Variants in CCDC191 observed in about 807,000 individuals in gnomAD.
CCDC191 encodes the protein coiled-coil domain-containing protein 191.
Under a neutral mutation model 114.0 loss-of-function variants are expected in CCDC191, and 99 were observed. The observed-to-expected ratio is 0.87, with a 90% CI of 0.74 to 1.03. CCDC191 has a LOEUF of 1.03. Among genes scored for constraint, CCDC191 ranks in the 50% least tolerant of loss-of-function variants. The pLI is 0.00. For missense variants in CCDC191, 973 were observed against 1,087.0 expected (o/e 0.90, Z 1.47); for synonymous variants, 351 against 376.0 (o/e 0.93, Z 0.77).
chr3:113,969,366 GTCTATT>G (rs1940566938), intron 16 of CCDC191, among the ~76,000 whole-genome samples: 3 of 152,140 alleles, frequency 2.0e-5, no homozygotes, highest in Non-Finnish European at 2.9e-5. Context: ...AATCCCAGTT[GTCTATT>G]TTTGCTTTGG....
At chr3:113,979,947 G>C (rs2075082360) in intron 14 of CCDC191, among the ~76,000 whole-genome samples, 2 of 152,198 alleles carry the variant, frequency 1.3e-5, no homozygotes, top group South Asian at 2.1e-4. Flanking sequence ...CTCTGCAGTA[G>C]AGTGAATTAC....
rs1439075666 is a variant in CCDC191, at chr3:114,042,733, T to C, written c.385A>G (p.Asn129Asp). Residue 129 changes from asparagine to aspartate, a missense_variant, in exon 4 of 17, where the codon AAT becomes GAT. By Grantham distance (23) the Asn-to-Asp change is conservative. Transcript: ENST00000295878. ...VSSVTIMPEANGHLKYDKFDD... is the reference protein window; with the variant it reads ...VSSVTIMPEADGHLKYDKFDD... ...AACTTGTCATATTTCAAATGGCCAT[T>C]GGCTTCCGGCATAATAGTGACACTT... is the stretch of plus-strand genomic sequence containing the variant. 1 of 1,586,676 alleles carries C rather than the reference T, an allele frequency of 6.3e-7. No individual in the cohort carries two copies. Among genetic ancestry groups the C allele is most frequent in the Non-Finnish European group, 8.5e-7 (1 of 1,170,208 alleles).
intron 3 of CCDC191, among the ~76,000 whole-genome samples, chr3:114,043,698 AAAATAAACTATAG>A (rs1330269865): frequency 6.6e-6 from 1 of 152,204 alleles, no homozygotes; most frequent in Non-Finnish European, 1.5e-5. Context: ...CCATTAAGTT[AAAATAAACTATAG>A]GGGATAAGCA....
Position 114,036,604 on chromosome 3 carries a change from C to A in CCDC191, c.594+4G>T. 6.4e-7 allele frequency: 1 copy of A among 1,570,638 alleles called. No homozygotes were observed. The highest frequency in any genetic ancestry group is 8.6e-7 in the Non-Finnish European group (1 of 1,159,554). ...TCCATTTTAATTTTGTTTTTCCCTCCCACCTGCTTATGTCTCATCTCCATG... is the reference window on the plus strand; with the variant it reads ...TCCATTTTAATTTTGTTTTTCCCTCACACCTGCTTATGTCTCATCTCCATG... On this transcript the variant is annotated splice_donor_region_variant and intron_variant, in intron 5 of 16. Coordinates refer to ENST00000295878, the MANE Select transcript of CCDC191 (RefSeq NM_020817.2).
At chr3:114,009,974 T>TA (rs984599508) in intron 9 of CCDC191, among the ~76,000 whole-genome samples, 3 of 151,122 alleles carry the variant, frequency 2.0e-5, no homozygotes, top group Non-Finnish European at 3.0e-5. Context: ...TTGCGGAACT[T>TA]AAAAAAAAAG....
At position 113,980,118 on chromosome 3, in the gene CCDC191, C is replaced by T. The variant is rs138923812; in HGVS notation, c.2307+532G>A. On this transcript the variant is annotated intron_variant, in intron 14 of 16. Coordinates refer to ENST00000295878, the MANE Select transcript of CCDC191 (RefSeq NM_020817.2). ...TGGAATGTGGACATAATACAAGCAA[C>T]GGGTTTACATAATTTGGTTTGGCCT... is the stretch of plus-strand genomic sequence containing the variant. Among the ~76,000 whole-genome samples the T allele has an allele frequency of 4.2e-3, 638 of 152,254 alleles. 12 individuals are homozygous for T. Among genetic ancestry groups the T allele is most frequent in the Non-Finnish European group, 5.9e-3 (398 of 68,030 alleles).
chr3:114,053,457 A>C (rs918783434), intron 2 of CCDC191, 140 bp downstream of exon 2: 2 of 470,402 alleles, frequency 4.3e-6, no homozygotes, highest in African/African-American at 4.0e-5. Context: ...AAAAAGTATA[A>C]AATTAAGGCA....
intron 3 of CCDC191, among the ~76,000 whole-genome samples, chr3:114,044,065 T>C (rs1254736796): frequency 6.6e-6 from 1 of 152,052 alleles, no homozygotes; most frequent in Non-Finnish European, 1.5e-5. Context: ...AAATATGGTA[T>C]TGGCTACAAT....
intron 7 of CCDC191, among the ~76,000 whole-genome samples, chr3:114,031,369 A>C (rs1278926307): frequency 2.0e-5 from 3 of 152,210 alleles, no homozygotes; most frequent in African/African-American, 7.2e-5. Flanking sequence ...TTTAGGAAGA[A>C]GTCCACAATT....
At chr3:113,966,542 G>C (rs1245026972) in intron 16 of CCDC191, among the ~76,000 whole-genome samples, 1 of 152,186 alleles carries the variant, frequency 6.6e-6, no homozygotes, top group Admixed American at 6.5e-5. Context: ...GCAAAGAAAA[G>C]GCTTTCCTAG....
intron 2 of CCDC191, among the ~76,000 whole-genome samples, chr3:114,051,543 CAT>C (rs2076698092): frequency 6.6e-6 from 1 of 152,208 alleles, no homozygotes; most frequent in Admixed American, 6.5e-5. Context: ...GCCTGGGCAA[CAT>C]AGTGAAACCC....
intron 13 of CCDC191, among the ~76,000 whole-genome samples, chr3:113,995,036 C>T (rs1205924875): frequency 1.3e-5 from 2 of 152,202 alleles, no homozygotes; most frequent in East Asian, 1.9e-4. Flanking sequence ...TAAAAAGGAC[C>T]GAGCTTTTGA....
intron 13 of CCDC191, among the ~76,000 whole-genome samples, chr3:113,982,649 G>T (rs899789350): frequency 6.6e-6 from 1 of 151,318 alleles, no homozygotes; most frequent in Non-Finnish European, 1.5e-5. Flanking sequence ...AAAAAAAAAA[G>T]TACAGGGCAA....
chr3:113,990,264 T>C (rs1013931295), intron 13 of CCDC191, among the ~76,000 whole-genome samples: 1 of 151,692 alleles, frequency 6.6e-6, no homozygotes, highest in Non-Finnish European at 1.5e-5. Context: ...AAGACATCAA[T>C]ACTGATCTCA....
chr3:114,056,232 G>T (rs547832923), intron 1 of CCDC191, 145 bp downstream of exon 1: 2 of 723,588 alleles, frequency 2.8e-6, no homozygotes, highest in Non-Finnish European at 4.8e-6. Context: ...TTCACTCAGG[G>T]TAATGCTGGC....
chr3:114,027,650 A>G (rs556924778), intron 7 of CCDC191, among the ~76,000 whole-genome samples: 1 of 152,116 alleles, frequency 6.6e-6, no homozygotes, highest in African/African-American at 2.4e-5. Context: ...TTAAAGCACA[A>G]ACAATTACAG....
At chr3:114,002,565 A>AT (rs753923169) in intron 11 of CCDC191, 27 bp from the exon 12 acceptor site, 2 of 1,537,352 alleles carry the variant, frequency 1.3e-6, no homozygotes, top group Non-Finnish European at 1.8e-6. Context: ...GAGTTCTAAT[A>AT]TTTTTTATAT....
chr3:114,002,382 C>A, intron 12 of CCDC191, 74 bp downstream of exon 12: 1 of 1,105,088 alleles, frequency 9.0e-7, no homozygotes. Flanking sequence ...TCTGAAAAAG[C>A]AAGGTTTCAT....
chr3:113,996,466 A>C (rs1328926033), intron 13 of CCDC191, among the ~76,000 whole-genome samples: 3 of 152,170 alleles, frequency 2.0e-5, no homozygotes. Context: ...CCATTAGTCT[A>C]CATGTCTGTT....
Sources: gnomAD v4.1 joint callset for allele counts (sites outside exome capture counted in the v4.1 genomes callset) on GRCh38, gnomAD v4.1.1 for gene constraint, MANE v1.5 for transcripts, NCBI Gene and HGNC (gene_info 2026-07-23, HGNC 2026-07-21) for gene names.